Variants in THSD7B observed in about 807,000 individuals in gnomAD.
The protein encoded by THSD7B is thrombospondin type 1 domain containing 7B.
In THSD7B, 138 loss-of-function variants were observed where a neutral mutation model predicts 213.6. That is an observed-to-expected ratio of 0.65 (90% CI 0.56 to 0.74). The LOEUF is 0.74. THSD7B is among the 30% of genes least tolerant of loss of function. The pLI is 0.00. For synonymous variants in THSD7B, 742 were observed against 687.0 expected, an observed-to-expected ratio of 1.08 and a Z score of -1.25; for missense variants, 1,931 against 1,991.5, an observed-to-expected ratio of 0.97 and a Z score of 0.58.
chr2:137,527,820 G>A (rs902451329), intron 15 of THSD7B, among the ~76,000 whole-genome samples: 1 of 152,100 alleles, frequency 6.6e-6, no homozygotes, highest in Non-Finnish European at 1.5e-5. Flanking sequence ...TATTAGGACA[G>A]CACTCTGGAG....
At chr2:137,174,953 C>T (rs1428814129) in intron 7 of THSD7B, among the ~76,000 whole-genome samples, 1 of 152,188 alleles carries the variant, frequency 6.6e-6, no homozygotes, top group Admixed American at 6.5e-5. Context: ...ATCAAATTTA[C>T]TCACTGCATT....
At chr2:137,021,784 C>G (rs1325366774) in intron 2 of THSD7B, among the ~76,000 whole-genome samples, 1 of 152,142 alleles carries the variant, frequency 6.6e-6, no homozygotes, top group Admixed American at 6.6e-5. Flanking sequence ...CTAATCCGTT[C>G]TTTATTTCTA....
chr2:137,478,854 C>G (rs1688245569), intron 15 of THSD7B, among the ~76,000 whole-genome samples: 1 of 152,140 alleles, frequency 6.6e-6, no homozygotes. Flanking sequence ...GTGATTTGCT[C>G]AGTGGCTTAT....
intron 2 of THSD7B, among the ~76,000 whole-genome samples, chr2:136,923,065 C>T (rs1311704604): frequency 6.6e-6 from 1 of 152,156 alleles, no homozygotes; most frequent in Non-Finnish European, 1.5e-5. Context: ...AGAACATTTT[C>T]ATCTTGCAAC....
chr2:137,363,510 AAG>A (rs555901176), intron 12 of THSD7B, among the ~76,000 whole-genome samples: 283 of 152,236 alleles, frequency 1.9e-3, no homozygotes, highest in Non-Finnish European at 3.5e-3. Context: ...TAAAGAAGAA[AAG>A]AGAGAAGAAT....
At chr2:136,872,117 C>T (rs1462704832) in intron 1 of THSD7B, among the ~76,000 whole-genome samples, 2 of 152,106 alleles carry the variant, frequency 1.3e-5, no homozygotes, top group African/African-American at 2.4e-5. Context: ...GGACTTACAG[C>T]TCATGTAGCA....
At chr2:136,785,838 T>C (rs1340251518) in intron 1 of THSD7B, among the ~76,000 whole-genome samples, 2 of 152,174 alleles carry the variant, frequency 1.3e-5, no homozygotes, top group African/African-American at 4.8e-5. Context: ...TTTTATAAAA[T>C]GTAAAATGAG....
chr2:137,349,865 G>A (rs1345871391), intron 12 of THSD7B, among the ~76,000 whole-genome samples: 1 of 151,712 alleles, frequency 6.6e-6, no homozygotes, highest in East Asian at 1.9e-4. Flanking sequence ...GTTGTTTAAA[G>A]GTATCTATCT....
At chr2:137,540,527 T>C (rs1680591095) in intron 15 of THSD7B, among the ~76,000 whole-genome samples, 1 of 151,614 alleles carries the variant, frequency 6.6e-6, no homozygotes, top group South Asian at 2.1e-4. Flanking sequence ...TGGAAGCCAG[T>C]GGAGAGGGCT....
intron 14 of THSD7B, among the ~76,000 whole-genome samples, chr2:137,425,346 A>G (rs1035923344): frequency 1.3e-5 from 2 of 151,862 alleles, no homozygotes; most frequent in Non-Finnish European, 2.9e-5. Context: ...CCTCCTGAGT[A>G]GCTGGGATTA....
At chr2:136,914,627 A>T (rs564152) in intron 2 of THSD7B, among the ~76,000 whole-genome samples, 1 of 151,930 alleles carries the variant, frequency 6.6e-6, no homozygotes, top group Non-Finnish European at 1.5e-5. Flanking sequence ...ATGAGATCTG[A>T]TGGGTTTATC....
At chr2:137,290,110 C>A (rs199529644) in intron 12 of THSD7B, among the ~76,000 whole-genome samples, 1 of 130,828 alleles carries the variant, frequency 7.6e-6, no homozygotes. Context: ...AAAGAGTTTT[C>A]TTTTTTTTTT....
At chr2:137,618,838 G>T (rs1446637129) in intron 19 of THSD7B, among the ~76,000 whole-genome samples, 1 of 152,088 alleles carries the variant, frequency 6.6e-6, no homozygotes, top group African/African-American at 2.4e-5. Flanking sequence ...CTTTTGTATT[G>T]GACAGGTGAT....
intron 5 of THSD7B, among the ~76,000 whole-genome samples, chr2:137,149,009 C>T (rs576677525): frequency 6.6e-6 from 1 of 152,198 alleles, no homozygotes; most frequent in South Asian, 2.1e-4. Flanking sequence ...GCCTGGAGGT[C>T]TGGGAAGGAA....
chr2:136,959,713 G>A (rs904218694), intron 2 of THSD7B, among the ~76,000 whole-genome samples: 3 of 152,098 alleles, frequency 2.0e-5, no homozygotes, highest in Admixed American at 6.6e-5. Flanking sequence ...GATTGCAAAG[G>A]GGCCGATATT....
At chr2:137,219,568 A>G (rs1319110786) in intron 7 of THSD7B, among the ~76,000 whole-genome samples, 1 of 152,160 alleles carries the variant, frequency 6.6e-6, no homozygotes, top group Admixed American at 6.5e-5. Flanking sequence ...CCTGAGCTGA[A>G]AAATGTGTTA....
intron 12 of THSD7B, among the ~76,000 whole-genome samples, chr2:137,346,813 CCATT>C (rs1684885718): frequency 6.6e-6 from 1 of 151,642 alleles, no homozygotes; most frequent in East Asian, 1.9e-4. Flanking sequence ...TTTTCTTTAA[CCATT>C]CATTCATTCA....
chr2:137,472,800 C>T (rs1368530543), intron 15 of THSD7B, among the ~76,000 whole-genome samples: 2 of 152,136 alleles, frequency 1.3e-5, no homozygotes, highest in African/African-American at 4.8e-5. Context: ...TTTTTATATT[C>T]TGTTACTTTA....
intron 2 of THSD7B, among the ~76,000 whole-genome samples, chr2:136,887,772 A>G (rs902173137): frequency 6.6e-6 from 1 of 152,122 alleles, no homozygotes; most frequent in Non-Finnish European, 1.5e-5. Context: ...GAGAAATGAA[A>G]ACATACTAAT....
Sources: allele counts gnomAD v4.1 joint callset (sites outside exome capture counted in the v4.1 genomes callset), GRCh38; gene constraint gnomAD v4.1.1; transcripts MANE v1.5; gene names NCBI Gene and HGNC (gene_info 2026-07-23, HGNC 2026-07-21).